Variants in CNTNAP5 observed in about 807,000 individuals in gnomAD.
CNTNAP5 encodes contactin-associated protein-like 5.
In CNTNAP5, 72 loss-of-function variants were observed where a neutral mutation model predicts 150.2. That is an observed-to-expected ratio of 0.48 (90% CI 0.40 to 0.58). CNTNAP5 has a LOEUF of 0.58. Ranked by LOEUF, CNTNAP5 falls within the 20% of genes least tolerant of loss-of-function variation. The pLI, the probability that CNTNAP5 is intolerant of heterozygous loss-of-function variation, is 0.00. For synonymous variants in CNTNAP5, 672 were observed against 619.8 expected, an observed-to-expected ratio of 1.08 and a Z score of -1.25; for missense variants, 1,636 against 1,626.2, an observed-to-expected ratio of 1.01 and a Z score of -0.10.
At chr2:124,170,443 G>A (rs2699380) in intron 1 of CNTNAP5, among the ~76,000 whole-genome samples, 7,879 of 152,198 alleles carry the variant, frequency 0.052, 290 homozygotes, top group Middle Eastern at 0.12. Context: ...GTGTGCAGAT[G>A]CTTCTCAGAT....
intron 3 of CNTNAP5, among the ~76,000 whole-genome samples, chr2:124,385,027 G>A (rs141713438): frequency 6.6e-6 from 1 of 152,306 alleles, no homozygotes; most frequent in African/African-American, 2.4e-5. Flanking sequence ...CAGGCACTTA[G>A]CAAGTGATGG....
rs1679314857 is a variant in CNTNAP5 at position 124,692,271 on chromosome 2, T to C, written c.2077+44313T>C. 2.0e-5 allele frequency among the ~76,000 whole-genome samples: 3 copies of C among 152,138 alleles called. No individual in the cohort carries two copies. The South Asian group carries it at 6.2e-4, about 32-fold the overall frequency. On this transcript the variant is annotated intron_variant, in intron 13 of 23. Coordinates refer to ENST00000682447, the MANE Select transcript of CNTNAP5 (RefSeq NM_001367498.1). Reference sequence around the variant, plus strand: ...CCAGAGGTCAGCAAACAATAGCTCATGTGGCCCACTGTTTGTTTTTGTAAA... The same window carrying C: ...CCAGAGGTCAGCAAACAATAGCTCACGTGGCCCACTGTTTGTTTTTGTAAA...
At chr2:124,634,815 A>G (rs1267821914) in intron 12 of CNTNAP5, among the ~76,000 whole-genome samples, 2 of 152,126 alleles carry the variant, frequency 1.3e-5, no homozygotes, top group East Asian at 3.9e-4. Flanking sequence ...AATAAATTTC[A>G]TATCTCCATC....
chr2:124,885,046 A>C (rs1264158418), intron 21 of CNTNAP5, among the ~76,000 whole-genome samples: 1 of 151,996 alleles, frequency 6.6e-6, no homozygotes, highest in Non-Finnish European at 1.5e-5. Flanking sequence ...GTAGGAGATA[A>C]TATATTGAGA....
chr2:124,039,881 ATTTATT>A (rs1374936678), intron 1 of CNTNAP5, among the ~76,000 whole-genome samples: 1 of 152,128 alleles, frequency 6.6e-6, no homozygotes, highest in African/African-American at 2.4e-5. Flanking sequence ...ATTTTTAATG[ATTTATT>A]TTTAGTTTTT....
chr2:124,448,269 AAATAAT>A (rs869148616), intron 6 of CNTNAP5, among the ~76,000 whole-genome samples: 34 of 144,280 alleles, frequency 2.4e-4, no homozygotes, highest in Admixed American at 2.8e-4. Context: ...CTCCGTCTTA[AAATAAT>A]AATAATAATA....
intron 3 of CNTNAP5, 77 bp from the exon 4 acceptor site, chr2:124,417,366 G>A (rs781147634): frequency 2.7e-5 from 40 of 1,482,834 alleles, no homozygotes; most frequent in Admixed American, 7.4e-5. Flanking sequence ...GTACGAGTTC[G>A]TGGAGTAACA....
chr2:124,708,318 A>AT (rs1679737041), intron 13 of CNTNAP5, among the ~76,000 whole-genome samples: 2 of 152,198 alleles, frequency 1.3e-5, no homozygotes, highest in African/African-American at 4.8e-5. Context: ...TGAGGAGGAA[A>AT]TAGAGCTGGA....
chr2:124,731,080 G>T (rs1446639153), intron 13 of CNTNAP5, among the ~76,000 whole-genome samples: 1 of 152,008 alleles, frequency 6.6e-6, no homozygotes, highest in African/African-American at 2.4e-5. Flanking sequence ...GGGTGTGATC[G>T]CTGGGCTCCA....
chr2:124,893,795 T>C (rs757004666), intron 21 of CNTNAP5, among the ~76,000 whole-genome samples: 8 of 152,096 alleles, frequency 5.3e-5, no homozygotes, highest in Non-Finnish European at 8.8e-5. Context: ...CTTTTCCAAA[T>C]TGATAACAGC....
intron 12 of CNTNAP5, among the ~76,000 whole-genome samples, chr2:124,629,634 C>A (rs532021442): frequency 9.8e-4 from 149 of 151,954 alleles, no homozygotes; most frequent in African/African-American, 3.3e-3. Context: ...TGATACCCTA[C>A]CATCACAACT....
chr2:124,262,904 G>T (rs1218279980), intron 3 of CNTNAP5, among the ~76,000 whole-genome samples: 1 of 149,708 alleles, frequency 6.7e-6, no homozygotes, highest in Non-Finnish European at 1.5e-5. Context: ...GTGGTGTTTG[G>T]TTTTTTGTCC....
chr2:124,706,795 A>AAGGAGG lies in CNTNAP5; in HGVS notation c.2078-40408_2078-40403dup, dbSNP rs1192390906. ...GAAGAAGAAGAAGAAGAAGAAGAAG[A>AAGGAGG]AGGAGGAGGAGGAGGAGGAGGAGGA... On this transcript the variant is annotated intron_variant, in intron 13 of 23. Coordinates refer to ENST00000682447, the MANE Select transcript of CNTNAP5 (RefSeq NM_001367498.1). 1.2e-3 allele frequency among the ~76,000 whole-genome samples: 23 copies of AAGGAGG among 18,866 alleles called. 1 individual carries two copies. The highest frequency in any genetic ancestry group is 1.6e-3 in the African/African-American group (8 of 4,922). 12.4% of individuals were successfully genotyped at this position (18,866 alleles called of 152,430 possible). A position where few individuals can be genotyped will look rare whatever the true frequency, so the allele number is the denominator to read the frequency against.
At chr2:124,296,677 C>T (rs17011381) in intron 3 of CNTNAP5, among the ~76,000 whole-genome samples, 22,642 of 152,080 alleles carry the variant, frequency 0.15, 1,755 homozygotes, top group Middle Eastern at 0.18. Flanking sequence ...TTCATAAAGT[C>T]GGCATGTGGC....
chr2:124,617,266 C>G (rs555646268), intron 12 of CNTNAP5, among the ~76,000 whole-genome samples: 1 of 152,056 alleles, frequency 6.6e-6, no homozygotes, highest in East Asian at 1.9e-4. Flanking sequence ...ATAAAACAAG[C>G]TATGCTTGAA....
intron 7 of CNTNAP5, among the ~76,000 whole-genome samples, chr2:124,485,034 T>C (rs1210680433): frequency 6.6e-6 from 1 of 152,194 alleles, no homozygotes; most frequent in Non-Finnish European, 1.5e-5. Flanking sequence ...TTGGGCGGGC[T>C]TCTTAGAAAC....
At chr2:124,298,695 A>AG (rs1688500235) in intron 3 of CNTNAP5, among the ~76,000 whole-genome samples, 1 of 151,878 alleles carries the variant, frequency 6.6e-6, no homozygotes, top group South Asian at 2.1e-4. Flanking sequence ...GAGTTCCTTC[A>AG]GACCCCCCAA....
At chr2:124,138,291 A>G (rs766851080) in intron 1 of CNTNAP5, among the ~76,000 whole-genome samples, 36 of 152,228 alleles carry the variant, frequency 2.4e-4, no homozygotes, top group Admixed American at 2.0e-4. Flanking sequence ...AAAAGAGGGC[A>G]GGCATAAGCC....
intron 1 of CNTNAP5, among the ~76,000 whole-genome samples, chr2:124,091,193 G>T (rs1321218023): frequency 6.6e-6 from 1 of 152,172 alleles, no homozygotes; most frequent in Admixed American, 6.5e-5. Flanking sequence ...GAAATAGTGA[G>T]CAGGGAGTGT....
Sources: allele counts gnomAD v4.1 joint callset (sites outside exome capture counted in the v4.1 genomes callset), GRCh38; gene constraint gnomAD v4.1.1; transcripts MANE v1.5; gene names NCBI Gene and HGNC (gene_info 2026-07-23, HGNC 2026-07-21).